Variants in RGL1 observed in about 807,000 individuals in gnomAD.
RGL1 encodes ral guanine nucleotide dissociation stimulator like 1.
A neutral mutation model predicts 95.2 loss-of-function variants in RGL1; 24 were observed. The observed-to-expected ratio is 0.25, with a 90% CI of 0.18 to 0.35. The LOEUF (loss-of-function observed/expected upper bound fraction) is 0.35. RGL1 is among the 10% of genes least tolerant of loss of function. The pLI is 1.00. For missense variants in RGL1, 715 were observed against 936.3 expected (o/e 0.76, Z 3.08); for synonymous variants, 329 against 344.9 (o/e 0.95, Z 0.51).
intron 3 of RGL1, among the ~76,000 whole-genome samples, chr1:183,848,663 T>C (rs957219564): frequency 6.6e-6 from 1 of 152,194 alleles, no homozygotes; most frequent in African/African-American, 2.4e-5. Flanking sequence ...TTAAAGTTTG[T>C]TCATATTGCT....
intron 1 of RGL1, among the ~76,000 whole-genome samples, chr1:183,638,402 G>A (rs892260664): frequency 3.9e-5 from 6 of 152,240 alleles, no homozygotes; most frequent in South Asian, 2.1e-4. Flanking sequence ...GGTACTCAAC[G>A]TGTTTCTAGT....
At chr1:183,815,964 AG>A (rs1289105415) in intron 2 of RGL1, among the ~76,000 whole-genome samples, 1 of 152,180 alleles carries the variant, frequency 6.6e-6, no homozygotes, top group African/African-American at 2.4e-5. Flanking sequence ...AGGTTGCTTA[AG>A]AAACAGTATT....
rs539753882 is a variant in RGL1 at position 183,795,716 on chromosome 1, A to G, written c.133-10659A>G. 2.6e-5 allele frequency among the ~76,000 whole-genome samples: 4 copies of G among 152,338 alleles called. No individual in the cohort carries two copies. The East Asian group carries it at 7.7e-4, about 29-fold the overall frequency. ...GGATTTAAGAACAGGAAAGGATAGT[A>G]TGGGGTTTTGAGAAGATCACTGTGG... is the stretch of plus-strand genomic sequence containing the variant. On this transcript the variant is annotated intron_variant, in intron 2 of 18. Coordinates refer to the RGL1 transcript ENST00000304685.
At chr1:183,869,019 G>T (rs1666004348) in intron 4 of RGL1, among the ~76,000 whole-genome samples, 1 of 152,226 alleles carries the variant, frequency 6.6e-6, no homozygotes, top group African/African-American at 2.4e-5. Context: ...TTGGGAGGCT[G>T]AGGCAGGAGG....
intron 2 of RGL1, among the ~76,000 whole-genome samples, chr1:183,747,413 T>C (rs6695689): frequency 0.45 from 67,693 of 152,046 alleles, 16,111 homozygotes; most frequent in East Asian, 0.8. Flanking sequence ...TTTTTCATGT[T>C]TTTTGGCCGC....
chr1:183,775,044 A>G (rs1659518676), intron 2 of RGL1, among the ~76,000 whole-genome samples: 2 of 151,724 alleles, frequency 1.3e-5, no homozygotes, highest in African/African-American at 4.8e-5. Flanking sequence ...ACATTATTAC[A>G]TTTTTTCCTT....
chr1:183,857,604 C>G (rs1480850175), intron 3 of RGL1, among the ~76,000 whole-genome samples: 1 of 152,094 alleles, frequency 6.6e-6, no homozygotes, highest in Non-Finnish European at 1.5e-5. Flanking sequence ...GGAAGCATGG[C>G]CGGAGCCAGA....
chr1:183,786,544 T>C (rs1029528728), intron 2 of RGL1, among the ~76,000 whole-genome samples: 7 of 152,186 alleles, frequency 4.6e-5, no homozygotes, highest in Non-Finnish European at 8.8e-5. Context: ...CCAATGAGCA[T>C]TCCCTTTGAG....
At chr1:183,873,916 A>G (rs1253542892) in intron 4 of RGL1, among the ~76,000 whole-genome samples, 1 of 152,230 alleles carries the variant, frequency 6.6e-6, no homozygotes, top group Non-Finnish European at 1.5e-5. Context: ...GCCTCGTAGC[A>G]TCTGTCACTA....
At chr1:183,830,007 GT>G (rs1032044785) in intron 2 of RGL1, among the ~76,000 whole-genome samples, 11 of 152,132 alleles carry the variant, frequency 7.2e-5, no homozygotes, top group African/African-American at 2.7e-4. Flanking sequence ...GATAGGGAGT[GT>G]GTCTGTGTTG....
At chr1:183,872,476 C>T (rs538793002) in intron 4 of RGL1, among the ~76,000 whole-genome samples, 4 of 152,192 alleles carry the variant, frequency 2.6e-5, no homozygotes, top group Non-Finnish European at 2.9e-5. Context: ...GTTTTGTTTT[C>T]TCAAACTCTC....
At chr1:183,649,755 T>A (rs533651313) in intron 1 of RGL1, among the ~76,000 whole-genome samples, 19 of 152,316 alleles carry the variant, frequency 1.2e-4, no homozygotes, top group African/African-American at 4.1e-4. Context: ...AAGTAATGAT[T>A]TTTTCCTTTA....
At chr1:183,719,020 C>G (rs1418931415) in intron 1 of RGL1, among the ~76,000 whole-genome samples, 1 of 152,192 alleles carries the variant, frequency 6.6e-6, no homozygotes, top group Non-Finnish European at 1.5e-5. Flanking sequence ...GTGCTAATCT[C>G]ACAATAAGGG....
chr1:183,841,669 G>A (rs1664069461), intron 2 of RGL1, among the ~76,000 whole-genome samples: 1 of 152,124 alleles, frequency 6.6e-6, no homozygotes, highest in Non-Finnish European at 1.5e-5. Context: ...AGGTGTATTG[G>A]CCTTGTCATG....
chr1:183,850,530 TAA>T (rs1374434215), intron 3 of RGL1, among the ~76,000 whole-genome samples: 16 of 152,234 alleles, frequency 1.1e-4, no homozygotes, highest in African/African-American at 3.6e-4. Flanking sequence ...ATTAATATGT[TAA>T]TCTTCAAGAA....
At chr1:183,901,508 A>C (rs1668023574) in intron 11 of RGL1, among the ~76,000 whole-genome samples, 2 of 152,022 alleles carry the variant, frequency 1.3e-5, no homozygotes, top group Admixed American at 1.3e-4. Flanking sequence ...AACAAAAACA[A>C]ACAAACAAAC....
intron 1 of RGL1, among the ~76,000 whole-genome samples, chr1:183,695,796 C>G (rs1449017290): frequency 6.6e-6 from 1 of 151,810 alleles, no homozygotes; most frequent in African/African-American, 2.4e-5. Flanking sequence ...TTTATGAACA[C>G]AAGTATTTGA....
intron 1 of RGL1, among the ~76,000 whole-genome samples, chr1:183,698,966 A>G (rs1654423173): frequency 6.6e-6 from 1 of 152,252 alleles, no homozygotes; most frequent in South Asian, 2.1e-4. Context: ...GGCCACAGGA[A>G]CAAAGTGTAC....
intron 1 of RGL1, among the ~76,000 whole-genome samples, chr1:183,705,371 G>A (rs1008596989): frequency 9.2e-5 from 14 of 152,016 alleles, no homozygotes; most frequent in African/African-American, 3.1e-4. Flanking sequence ...CCCCCATTCT[G>A]CCAAGAAGTT....
Sources: allele counts gnomAD v4.1 joint callset (sites outside exome capture counted in the v4.1 genomes callset), GRCh38; gene constraint gnomAD v4.1.1; transcripts MANE v1.5; gene names NCBI Gene and HGNC (gene_info 2026-07-23, HGNC 2026-07-21).